Variants in CRISPLD2 observed in about 807,000 individuals in gnomAD.
The protein encoded by CRISPLD2 is cysteine rich secretory protein LCCL domain containing 2, also known as cysteine-rich secretory protein LCCL domain-containing 2.
CRISPLD2 carries 47 observed loss-of-function variants against 71.1 expected under a neutral mutation model. The observed-to-expected ratio is 0.66, with a 90% CI of 0.52 to 0.84. The LOEUF (loss-of-function observed/expected upper bound fraction) is 0.84. CRISPLD2 is among the 40% of genes least tolerant of loss of function. The pLI, the probability that CRISPLD2 is intolerant of heterozygous loss-of-function variation, is 0.00. For synonymous variants in CRISPLD2, 317 were observed against 250.1 expected, an observed-to-expected ratio of 1.27 and a Z score of -2.52; for missense variants, 830 against 651.1, an observed-to-expected ratio of 1.27 and a Z score of -2.99.
chr16:84,895,337 C>G (rs28779482), intron 14 of CRISPLD2, among the ~76,000 whole-genome samples: 3,398 of 152,258 alleles, frequency 0.022, 69 homozygotes, highest in South Asian at 0.064. Flanking sequence ...ACTTGGGGCA[C>G]AGACCCTTCC....
At chr16:84,850,506 A>G in intron 4 of CRISPLD2, 62 bp from the exon 5 acceptor site, 2 of 1,416,472 alleles carry the variant, frequency 1.4e-6, no homozygotes, top group South Asian at 1.2e-5. Context: ...ATCCAGGCCA[A>G]ATGATATCAC....
intron 2 of CRISPLD2, among the ~76,000 whole-genome samples, chr16:84,843,903 T>C (rs1916841966): frequency 6.6e-6 from 1 of 152,174 alleles, no homozygotes. Flanking sequence ...GGAGTCTTGC[T>C]GGGACACGGG....
chr16:84,872,894 C>T lies in CRISPLD2; in HGVS notation c.982-98C>T, dbSNP rs562439341. The T allele has an allele frequency of 3.4e-6, 5 of 1,457,402 alleles. No homozygotes were observed. In the East Asian group the frequency reaches 9.5e-5, roughly 28 times the overall value. 90.3% of individuals were successfully genotyped at this position (1,457,402 alleles called of 1,614,324 possible). On this transcript the variant is annotated intron_variant, in intron 9 of 14. Coordinates refer to ENST00000262424, the MANE Select transcript of CRISPLD2 (RefSeq NM_031476.4). ...AGTGAGCTTTGGCCTGTCCTTCAGGCTTTTAGTGAGTTGAGGACAAATGTT... is the reference window on the plus strand; with the variant it reads ...AGTGAGCTTTGGCCTGTCCTTCAGGTTTTTAGTGAGTTGAGGACAAATGTT...
chr16:84,850,966 C>T (rs1917073868), intron 5 of CRISPLD2, among the ~76,000 whole-genome samples: 1 of 152,128 alleles, frequency 6.6e-6, no homozygotes, highest in Admixed American at 6.6e-5. Context: ...GGTCAAAGGG[C>T]TCTCTCCTTA....
chr16:84,850,537 G>T (rs77992357), intron 4 of CRISPLD2, 31 bp from the exon 5 acceptor site: 1 of 1,588,524 alleles, frequency 6.3e-7, no homozygotes, highest in Non-Finnish European at 8.6e-7. Flanking sequence ...CTTATCCCTC[G>T]AGCTGTGACA....
At chr16:84,837,378 C>T (rs542497068) in intron 1 of CRISPLD2, among the ~76,000 whole-genome samples, 3 of 151,008 alleles carry the variant, frequency 2.0e-5, no homozygotes, top group African/African-American at 7.3e-5. Flanking sequence ...GAGGCCGGCC[C>T]TGGGCTTGTC....
intron 14 of CRISPLD2, among the ~76,000 whole-genome samples, chr16:84,894,774 G>C (rs1015008709): frequency 1.3e-5 from 2 of 152,030 alleles, no homozygotes; most frequent in Non-Finnish European, 2.9e-5. Context: ...TGGAGATCTG[G>C]TGTGTGTTTC....
At chr16:84,873,994 A>C (rs757098239) in intron 11 of CRISPLD2, 31 bp downstream of exon 11, 1 of 1,571,866 alleles carries the variant, frequency 6.4e-7, no homozygotes, top group Non-Finnish European at 8.6e-7. Context: ...TGCGACCATA[A>C]TACCTGGGTT....
chr16:84,825,616 C>G (rs1331837576), intron 1 of CRISPLD2, among the ~76,000 whole-genome samples: 1 of 151,946 alleles, frequency 6.6e-6, no homozygotes, highest in Non-Finnish European at 1.5e-5. Context: ...ATTAGCTAGG[C>G]GTGGTGGTGC....
chr16:84,826,567 C>T (rs1451943853), intron 1 of CRISPLD2, among the ~76,000 whole-genome samples: 1 of 152,226 alleles, frequency 6.6e-6, no homozygotes, highest in Non-Finnish European at 1.5e-5. Context: ...CCTCCTGCCC[C>T]AGGCCTGCTG....
chr16:84,834,580 A>G (rs1247459586), intron 1 of CRISPLD2, among the ~76,000 whole-genome samples: 1 of 152,176 alleles, frequency 6.6e-6, no homozygotes, highest in Non-Finnish European at 1.5e-5. Flanking sequence ...TCTCCTCTTT[A>G]CAATAGCCAG....
At chr16:84,874,799 G>C (rs996971293) in intron 11 of CRISPLD2, among the ~76,000 whole-genome samples, 35 of 152,208 alleles carry the variant, frequency 2.3e-4, no homozygotes. Flanking sequence ...CCAGCAGCCA[G>C]AGATAACCAT....
chr16:84,894,160 A>G (rs2071685982), intron 14 of CRISPLD2, among the ~76,000 whole-genome samples: 1 of 152,216 alleles, frequency 6.6e-6, no homozygotes, highest in Non-Finnish European at 1.5e-5. Flanking sequence ...ATGAGGCAAC[A>G]TAAGAGACTA....
intron 3 of CRISPLD2, among the ~76,000 whole-genome samples, chr16:84,846,763 G>A (rs888935786): frequency 4.6e-5 from 7 of 152,130 alleles, no homozygotes; most frequent in South Asian, 2.1e-4. Flanking sequence ...CCAGACCCCC[G>A]AGGCTTCCCT....
chr16:84,833,311 T>G (rs1034849160), intron 1 of CRISPLD2, among the ~76,000 whole-genome samples: 1 of 152,278 alleles, frequency 6.6e-6, no homozygotes, highest in Middle Eastern at 3.4e-3. Context: ...ATCTGGTGTG[T>G]TTTCATGAGG....
intron 14 of CRISPLD2, among the ~76,000 whole-genome samples, chr16:84,898,232 C>T (rs1316007155): frequency 6.6e-6 from 1 of 152,234 alleles, no homozygotes; most frequent in Non-Finnish European, 1.5e-5. Context: ...TAATGCAATG[C>T]ACAGTGTCGC....
At chr16:84,865,501 G>A (rs1290301297) in intron 6 of CRISPLD2, among the ~76,000 whole-genome samples, 2 of 152,168 alleles carry the variant, frequency 1.3e-5, no homozygotes, top group African/African-American at 2.4e-5. Context: ...ACCTGCGAGC[G>A]TGCTCTAGTT....
At chr16:84,879,108 C>A (rs2071545847) in intron 12 of CRISPLD2, among the ~76,000 whole-genome samples, 1 of 152,194 alleles carries the variant, frequency 6.6e-6, no homozygotes, top group Admixed American at 6.5e-5. Flanking sequence ...CCTTGACTGC[C>A]ACCCCACTTC....
chr16:84,878,200 GGTGACAGAGCGAGACTCC>G (rs2071537645), intron 12 of CRISPLD2, among the ~76,000 whole-genome samples: 1 of 152,154 alleles, frequency 6.6e-6, no homozygotes, highest in Non-Finnish European at 1.5e-5. Context: ...CTCCAGCCTG[GGTGACAGAGCGAGACTCC>G]GTCTCAAAAA....
Sources: gnomAD v4.1 joint callset for allele counts (sites outside exome capture counted in the v4.1 genomes callset) on GRCh38, gnomAD v4.1.1 for gene constraint, MANE v1.5 for transcripts, NCBI Gene and HGNC (gene_info 2026-07-23, HGNC 2026-07-21) for gene names.